IL12RB1: variants seen among roughly 807,000 people sequenced by gnomAD.
IL12RB1 encodes the protein interleukin 12 receptor subunit beta 1.
IL12RB1 carries 64 observed loss-of-function variants against 94.4 expected under a neutral mutation model. The observed-to-expected ratio is 0.68, with a 90% CI of 0.55 to 0.83. The LOEUF (loss-of-function observed/expected upper bound fraction) is 0.83, where lower values mean the gene tolerates loss of function less well. Among genes scored for constraint, IL12RB1 ranks in the 40% least tolerant of loss-of-function variants. The probability of loss-of-function intolerance (pLI) is 0.00; values close to 1 mark genes in which losing one functional copy is unlikely to be tolerated. For synonymous variants in IL12RB1, 362 were observed against 355.5 expected (o/e 1.02, Z -0.21); for missense variants, 814 against 855.6 (o/e 0.95, Z 0.61).
intron 12 of IL12RB1, among the ~76,000 whole-genome samples, chr19:18,064,983 A>C (rs2034473870): frequency 6.6e-6 from 1 of 152,026 alleles, no homozygotes; most frequent in Non-Finnish European, 1.5e-5. Flanking sequence ...TGATCCCACA[A>C]CCCGGAAGTT....
intron 7 of IL12RB1, among the ~76,000 whole-genome samples, chr19:18,075,309 G>C (rs2035384893): frequency 6.8e-6 from 1 of 147,996 alleles, no homozygotes; most frequent in African/African-American, 2.5e-5. Flanking sequence ...CACCCAGGCT[G>C]GAGTGCAGTG....
At chr19:18,068,645 C>T (rs747584562) in intron 10 of IL12RB1, 119 bp from the exon 11 acceptor site, 3 of 796,274 alleles carry the variant, frequency 3.8e-6, no homozygotes, top group Non-Finnish European at 6.5e-6. Context: ...GTTTCAAAGC[C>T]CTTGCACCAA....
chr19:18,068,422 T>C lies in IL12RB1; in HGVS notation c.1294A>G (p.Thr432Ala), dbSNP rs2034755403. 6.2e-7 allele frequency: 1 copy of C among 1,613,276 alleles called. No individual in the cohort carries two copies. Among genetic ancestry groups the C allele is most frequent in the African/African-American group, 1.3e-5 (1 of 74,836 alleles). The change falls in exon 11 of 17, where the codon ACG becomes GCG. Residue 432 changes from threonine (T) to alanine (A), a missense_variant. Transcript: ENST00000593993. ...CCAAAGTGGTAGGTGGACAGGACCGTAGACCACAAGGTGAGCTTCTCGGGG... is the reference window on the plus strand; with the variant it reads ...CCAAAGTGGTAGGTGGACAGGACCGCAGACCACAAGGTGAGCTTCTCGGGG... ...AHPEKLTLWS[T>A]VLSTYHFGGN...
intron 5 of IL12RB1, among the ~76,000 whole-genome samples, chr19:18,077,100 T>C (rs1175563158): frequency 6.6e-6 from 1 of 152,150 alleles, no homozygotes; most frequent in Non-Finnish European, 1.5e-5. Flanking sequence ...TGGTGGTTCA[T>C]GCCTGTATTC....
At chr19:18,061,377 T>C (rs914781567) in intron 14 of IL12RB1, among the ~76,000 whole-genome samples, 180 bp from the exon 15 acceptor site, 2 of 152,040 alleles carry the variant, frequency 1.3e-5, no homozygotes, top group African/African-American at 2.4e-5. Context: ...ATTACAAACG[T>C]GTGCCACCAC....
At chr19:18,097,742 G>C (rs1424664922) in intron 1 of IL12RB1, 1 of 1,170,056 alleles carries the variant, frequency 8.5e-7, no homozygotes, top group Non-Finnish European at 1.1e-6. Flanking sequence ...GCGGGGCCTG[G>C]CAGGCCGGGG....
chr19:18,085,094 G>T (rs752680407), intron 1 of IL12RB1, among the ~76,000 whole-genome samples: 6 of 152,178 alleles, frequency 3.9e-5, no homozygotes, highest in Non-Finnish European at 7.4e-5. Flanking sequence ...GCCACAGTCT[G>T]CTAGGTGTGG....
chr19:18,068,407 A>G lies in IL12RB1; in HGVS notation c.1309T>C (p.Tyr437His), dbSNP rs539168120. The change falls in exon 11 of 17, where the codon TAC becomes CAC. Residue 437 changes from tyrosine to histidine, a missense_variant. Transcript: ENST00000593993. ...LTLWSTVLST[Y>H]HFGGNASAAG... is the part of the protein sequence containing the mutation. ...CACTTACCATTGCCCCCAAAGTGGT[A>G]GGTGGACAGGACCGTAGACCACAAG... 9.9e-6 allele frequency: 16 copies of G among 1,612,944 alleles called. No individual in the cohort carries two copies. The South Asian group carries it at 1.6e-4, about 17-fold the overall frequency.
intron 10 of IL12RB1, among the ~76,000 whole-genome samples, chr19:18,069,265 T>C (rs767675102): frequency 2.0e-5 from 3 of 152,126 alleles, no homozygotes; most frequent in East Asian, 1.9e-4. Context: ...CCTGGCGCGG[T>C]TGAATATTTA....
chr19:18,098,818 C>T (rs2037273444), exon 1 of IL12RB1: 2 of 456,348 alleles, frequency 4.4e-6, no homozygotes, highest in Non-Finnish European at 8.8e-6. Flanking sequence ...GAGTGTTCTG[C>T]AACCTCTGGA....
At chr19:18,090,953 A>T (rs1209482859), upstream of IL12RB1, among the ~76,000 whole-genome samples, 1 of 152,158 alleles carries the variant, frequency 6.6e-6, no homozygotes, top group Non-Finnish European at 1.5e-5. Flanking sequence ...TCTCCGGCAG[A>T]GGCCACAGCA....
chr19:18,086,531 G>A (rs145993451), intron 1 of IL12RB1, among the ~76,000 whole-genome samples: 223 of 151,902 alleles, frequency 1.5e-3, no homozygotes, highest in African/African-American at 5.1e-3. Flanking sequence ...ATTGAACTCC[G>A]GGAGGTGGAA....
chr19:18,091,696 T>C (rs745531738), upstream of IL12RB1, among the ~76,000 whole-genome samples: 25 of 152,054 alleles, frequency 1.6e-4, no homozygotes, highest in Non-Finnish European at 2.9e-4. Context: ...TTTGAGGATG[T>C]TTAATTATTA....
At chr19:18,085,071 G>A (rs992505727) in intron 1 of IL12RB1, among the ~76,000 whole-genome samples, 1 of 152,168 alleles carries the variant, frequency 6.6e-6, no homozygotes, top group Admixed American at 6.5e-5. Flanking sequence ...GGATCCCCGT[G>A]CCCTTTGGGA....
chr19:18,060,851 C>T (rs1300895973), intron 15 of IL12RB1, among the ~76,000 whole-genome samples: 1 of 152,128 alleles, frequency 6.6e-6, no homozygotes, highest in Non-Finnish European at 1.5e-5. Flanking sequence ...CGAGATAGAC[C>T]CCAATCGCTG....
At chr19:18,093,105 G>C (rs1262701396) in intron 1 of IL12RB1, among the ~76,000 whole-genome samples, 2 of 151,228 alleles carry the variant, frequency 1.3e-5, no homozygotes, top group Non-Finnish European at 2.9e-5. Flanking sequence ...AGGAGTTTGA[G>C]ACCAGCCTGG....
chr19:18,092,199 T>C (rs891566628), intron 1 of IL12RB1, among the ~76,000 whole-genome samples: 2 of 151,206 alleles, frequency 1.3e-5, no homozygotes, highest in African/African-American at 2.4e-5. Flanking sequence ...TTTTTTTTTT[T>C]TTCAGTTTTT....
chr19:18,079,558 C>T (rs563708658), intron 4 of IL12RB1, among the ~76,000 whole-genome samples: 5 of 152,226 alleles, frequency 3.3e-5, no homozygotes, highest in East Asian at 3.9e-4. Flanking sequence ...TCTCCATCCC[C>T]GGTAACCACA....
chr19:18,077,667 G>A lies in IL12RB1; in HGVS notation c.410-12C>T. 1 of 1,566,594 alleles carries A rather than the reference G, an allele frequency of 6.4e-7. No individual in the cohort carries two copies. Among genetic ancestry groups the A allele is most frequent in the Non-Finnish European group, 8.8e-7 (1 of 1,136,728 alleles). Reference sequence around the variant, plus strand: ...AGGCTCATATTTAACTGGAAGCAGAGGTAGGGATTGGCGAGGGGCAGCCCA... The same window carrying A: ...AGGCTCATATTTAACTGGAAGCAGAAGTAGGGATTGGCGAGGGGCAGCCCA... On this transcript the variant is annotated splice_polypyrimidine_tract_variant and intron_variant, in intron 4 of 16. Transcript: ENST00000593993.
Sources: gnomAD v4.1 joint callset for allele counts (sites outside exome capture counted in the v4.1 genomes callset) on GRCh38, gnomAD v4.1.1 for gene constraint, MANE v1.5 for transcripts, NCBI Gene and HGNC (gene_info 2026-07-23, HGNC 2026-07-21) for gene names.